PDE7B: variants seen among roughly 807,000 people sequenced by gnomAD.
PDE7B encodes the protein 3',5'-cyclic-AMP phosphodiesterase 7B.
In PDE7B, 29 loss-of-function variants were observed where a neutral mutation model predicts 56.2. The observed-to-expected ratio is 0.52, with a 90% CI of 0.38 to 0.70. The LOEUF is 0.70. Ranked by LOEUF, PDE7B falls within the 30% of genes least tolerant of loss-of-function variation. The pLI, the probability that PDE7B is intolerant of heterozygous loss-of-function variation, is 0.00. For missense variants in PDE7B, 490 were observed against 565.0 expected (o/e 0.87, Z 1.35); for synonymous variants, 197 against 196.9 (o/e 1.00, Z 0.00).
intron 2 of PDE7B, among the ~76,000 whole-genome samples, chr6:136,090,689 T>A (rs1046517741): frequency 6.6e-6 from 1 of 152,188 alleles, no homozygotes; most frequent in African/African-American, 2.4e-5. Flanking sequence ...AACCAGGTTA[T>A]ATGCAGAGTG....
At chr6:136,021,076 C>A (rs1776062062) in intron 2 of PDE7B, among the ~76,000 whole-genome samples, 1 of 152,108 alleles carries the variant, frequency 6.6e-6, no homozygotes, top group Admixed American at 6.5e-5. Flanking sequence ...TGATCTGGCA[C>A]AATGTTTTGT....
rs568436614 is a variant in PDE7B at position 136,160,142 on chromosome 6, T to G, written c.711+4384T>G. On this transcript the variant is annotated intron_variant, in intron 8 of 12. Coordinates refer to ENST00000308191, the MANE Select transcript of PDE7B (RefSeq NM_018945.4). The stretch of plus-strand genomic sequence containing the variant: ...GATGCTTACTCCTTCAACTTTAAGA[T>G]GAAGATTACTCTTAAAACTGCAAGT... Among the ~76,000 whole-genome samples, 45 of 152,334 alleles carry G rather than the reference T, an allele frequency of 3.0e-4. 1 individual carries two copies. In the South Asian group the frequency reaches 8.9e-3, roughly 30 times the overall value.
intron 1 of PDE7B, among the ~76,000 whole-genome samples, chr6:135,930,490 G>A (rs1184994172): frequency 6.6e-6 from 1 of 152,140 alleles, no homozygotes; most frequent in Non-Finnish European, 1.5e-5. Flanking sequence ...TAGGAAAAGA[G>A]GGTCCCTGGG....
chr6:136,023,500 C>T (rs1184348983), intron 2 of PDE7B, among the ~76,000 whole-genome samples: 1 of 152,228 alleles, frequency 6.6e-6, no homozygotes, highest in Non-Finnish European at 1.5e-5. Context: ...CACACTCTTT[C>T]TTCACTCCTC....
intron 3 of PDE7B, among the ~76,000 whole-genome samples, chr6:136,119,147 G>C (rs1777887310): frequency 6.6e-6 from 1 of 152,138 alleles, no homozygotes; most frequent in Non-Finnish European, 1.5e-5. Flanking sequence ...GGGGGAGTTG[G>C]TTATTTCCTG....
chr6:136,039,763 G>A (rs1776384459), intron 2 of PDE7B, among the ~76,000 whole-genome samples: 1 of 152,132 alleles, frequency 6.6e-6, no homozygotes, highest in Non-Finnish European at 1.5e-5. Flanking sequence ...AGGGAGATGG[G>A]TCTTGGTCAG....
At chr6:136,107,846 C>G (rs1208340599) in intron 2 of PDE7B, among the ~76,000 whole-genome samples, 2 of 151,984 alleles carry the variant, frequency 1.3e-5, no homozygotes, top group Non-Finnish European at 2.9e-5. Context: ...TAAAGGAAAC[C>G]AGCCAGGCGT....
At chr6:135,947,394 A>C (rs1774612232) in intron 1 of PDE7B, 70 bp from the exon 2 acceptor site, 1 of 1,154,358 alleles carries the variant, frequency 8.7e-7, no homozygotes, top group Middle Eastern at 1.9e-4. Flanking sequence ...ATGTCAGGTC[A>C]CATGGATATA....
At chr6:135,965,407 A>G (rs771684071) in intron 2 of PDE7B, among the ~76,000 whole-genome samples, 1 of 152,182 alleles carries the variant, frequency 6.6e-6, no homozygotes, top group South Asian at 2.1e-4. Context: ...AACCCAAGGA[A>G]CAGAAAGGAA....
intron 1 of PDE7B, among the ~76,000 whole-genome samples, chr6:135,940,651 CTTGG>C (rs1774492181): frequency 6.6e-6 from 1 of 152,168 alleles, no homozygotes; most frequent in African/African-American, 2.4e-5. Context: ...CCATTCAGTT[CTTGG>C]TTGGGGAAAA....
intron 1 of PDE7B, among the ~76,000 whole-genome samples, chr6:135,902,864 C>T (rs1334841847): frequency 6.6e-6 from 1 of 152,158 alleles, no homozygotes; most frequent in Non-Finnish European, 1.5e-5. Flanking sequence ...CATCCTGGCT[C>T]AATTATCACA....
rs539992295 is a variant in PDE7B at position 136,052,484 on chromosome 6, G to A, written c.83-56247G>A. On this transcript the variant is annotated intron_variant, in intron 2 of 12. Transcript: ENST00000308191. ...TTGCAGGCTCTTGTAGTGAAAGACA[G>A]TTCCATAAAGAACTGAGGAGTTCCA... Among the ~76,000 whole-genome samples the A allele has an allele frequency of 3.3e-5, 5 of 152,230 alleles. No individual in the cohort carries two copies. In the South Asian group the frequency reaches 8.3e-4, roughly 25 times the overall value.
At chr6:136,082,084 G>A (rs757187489) in intron 2 of PDE7B, among the ~76,000 whole-genome samples, 5 of 152,120 alleles carry the variant, frequency 3.3e-5, no homozygotes, top group Non-Finnish European at 5.9e-5. Context: ...ATTTATTTAC[G>A]GCTTTGAGCG....
At chr6:135,996,256 T>TTTCAAAC (rs1775562225) in intron 2 of PDE7B, among the ~76,000 whole-genome samples, 1 of 152,202 alleles carries the variant, frequency 6.6e-6, no homozygotes, top group Non-Finnish European at 1.5e-5. Context: ...CAAGAATGTC[T>TTTCAAAC]TTCAAACTGG....
intron 1 of PDE7B, among the ~76,000 whole-genome samples, chr6:135,932,919 A>G (rs1774319706): frequency 6.6e-6 from 1 of 152,138 alleles, no homozygotes; most frequent in Non-Finnish European, 1.5e-5. Context: ...CATCTGTTTT[A>G]CCTGACGAGG....
intron 11 of PDE7B, among the ~76,000 whole-genome samples, chr6:136,181,939 C>T (rs1779073782): frequency 6.6e-6 from 1 of 152,168 alleles, no homozygotes; most frequent in South Asian, 2.1e-4. Context: ...AATTAGCAAG[C>T]AGGATCTTGA....
intron 2 of PDE7B, among the ~76,000 whole-genome samples, chr6:136,079,621 C>T (rs1168800784): frequency 6.6e-6 from 1 of 150,964 alleles, no homozygotes; most frequent in Non-Finnish European, 1.5e-5. Context: ...CTGAGTTTTC[C>T]AAGCACTTTT....
At chr6:136,152,836 C>A (rs1778542811) in intron 6 of PDE7B, among the ~76,000 whole-genome samples, 1 of 152,186 alleles carries the variant, frequency 6.6e-6, no homozygotes, top group Non-Finnish European at 1.5e-5. Flanking sequence ...ATGGTGCTTA[C>A]ATCTGCTGGA....
In PDE7B at chr6:136,175,812, AAAGG is replaced by A. The variant is rs1778967579; in HGVS notation, c.803+1925_803+1928del. On this transcript the variant is annotated intron_variant, in intron 9 of 12. Coordinates refer to ENST00000308191, the MANE Select transcript of PDE7B (RefSeq NM_018945.4). ...TTTGTAGATAAAAATTATTGGTCAGAAAGGTCTGAACTTTTAAGTTTCTTGTATA... is the reference window on the plus strand; with the variant it reads ...TTTGTAGATAAAAATTATTGGTCAGATCTGAACTTTTAAGTTTCTTGTATA... 1.8e-4 allele frequency among the ~76,000 whole-genome samples: 27 copies of A among 152,256 alleles called. No individual in the cohort carries two copies. In the South Asian group the frequency reaches 5.6e-3, roughly 32 times the overall value.
Sources: allele counts gnomAD v4.1 joint callset (sites outside exome capture counted in the v4.1 genomes callset), GRCh38; gene constraint gnomAD v4.1.1; transcripts MANE v1.5; gene names NCBI Gene and HGNC (gene_info 2026-07-23, HGNC 2026-07-21).